Variants in PTPRM observed in about 807,000 individuals in gnomAD.
The protein encoded by PTPRM is protein tyrosine phosphatase receptor type M.
Under a neutral mutation model 186.7 loss-of-function variants are expected in PTPRM, and 47 were observed. The observed-to-expected ratio is 0.25, with a 90% confidence interval of 0.20 to 0.32. The LOEUF (loss-of-function observed/expected upper bound fraction) is 0.32. Ranked by LOEUF, PTPRM falls within the 10% of genes least tolerant of loss-of-function variation. The probability of loss-of-function intolerance (pLI) is 1.00; values close to 1 mark genes in which losing one functional copy is unlikely to be tolerated. For missense variants in PTPRM, 1,494 were observed against 1,865.0 expected (o/e 0.80, Z 3.66); for synonymous variants, 668 against 674.9 (o/e 0.99, Z 0.16).
intron 1 of PTPRM, among the ~76,000 whole-genome samples, chr18:7,717,564 G>C (rs1042836724): frequency 6.6e-6 from 1 of 152,184 alleles, no homozygotes; most frequent in Admixed American, 6.5e-5. Flanking sequence ...AGATACAAAA[G>C]GCAGTCACAC....
intron 7 of PTPRM, among the ~76,000 whole-genome samples, chr18:7,992,833 A>T (rs1491002243): frequency 6.6e-6 from 1 of 152,106 alleles, no homozygotes; most frequent in Non-Finnish European, 1.5e-5. Context: ...ATTGAAACAA[A>T]TGTGAGCTAT....
At chr18:8,289,724 G>A (rs1016410400) in intron 19 of PTPRM, among the ~76,000 whole-genome samples, 2 of 151,340 alleles carry the variant, frequency 1.3e-5, no homozygotes, top group Non-Finnish European at 2.9e-5. Context: ...GATAACAATT[G>A]CCGAGATCAT....
chr18:7,628,504 A>G (rs918495330), intron 1 of PTPRM, among the ~76,000 whole-genome samples: 5 of 152,226 alleles, frequency 3.3e-5, no homozygotes, highest in Admixed American at 2.6e-4. Flanking sequence ...TTTTCTTAAA[A>G]GAATTAGATA....
intron 2 of PTPRM, among the ~76,000 whole-genome samples, chr18:7,775,278 T>C (rs2042525013): frequency 6.6e-6 from 1 of 152,208 alleles, no homozygotes. Flanking sequence ...GTGGCTTCAC[T>C]GGACCTCAAA....
chr18:7,831,590 C>CA lies in PTPRM; in HGVS notation c.197-56516_197-56515insA, dbSNP rs1417504601. On this transcript the variant is annotated intron_variant, in intron 2 of 32. Transcript: ENST00000580170. ...CACATCATGAAAAGGGGTATATATCCCCTCAAGCATTTGTCCTTTGTATTA... is the reference window on the plus strand; with the variant it reads ...CACATCATGAAAAGGGGTATATATCCACCTCAAGCATTTGTCCTTTGTATTA... Among the ~76,000 whole-genome samples the CA allele has an allele frequency of 5.3e-4, 80 of 152,098 alleles. 1 individual carries two copies. In the Middle Eastern group the frequency reaches 0.014, roughly 26 times the overall value.
chr18:7,850,463 T>C (rs1327201878), intron 2 of PTPRM, among the ~76,000 whole-genome samples: 1 of 152,214 alleles, frequency 6.6e-6, no homozygotes. Context: ...GGAGCAACTT[T>C]TCCCATTCAG....
chr18:8,190,491 T>C (rs2093696366), intron 14 of PTPRM, among the ~76,000 whole-genome samples: 1 of 152,224 alleles, frequency 6.6e-6, no homozygotes, highest in Non-Finnish European at 1.5e-5. Context: ...CAGTTATAGC[T>C]GCTCACGTCA....
At chr18:8,231,492 C>T (rs1397636965) in intron 14 of PTPRM, among the ~76,000 whole-genome samples, 1 of 152,186 alleles carries the variant, frequency 6.6e-6, no homozygotes, top group Non-Finnish European at 1.5e-5. Flanking sequence ...CTGAAGAGTT[C>T]ATTCTTCACC....
intron 1 of PTPRM, among the ~76,000 whole-genome samples, chr18:7,756,641 G>C (rs751687256): frequency 1.3e-5 from 2 of 152,028 alleles, no homozygotes; most frequent in East Asian, 3.9e-4. Context: ...GAGCATCCAT[G>C]GAATAGTCAT....
intron 8 of PTPRM, among the ~76,000 whole-genome samples, chr18:8,072,014 A>G (rs2089510414): frequency 6.6e-6 from 1 of 152,030 alleles, no homozygotes; most frequent in Non-Finnish European, 1.5e-5. Context: ...ATTCATAGCC[A>G]CTCATGATTC....
At chr18:8,243,771 C>G (rs1298967807) in intron 14 of PTPRM, among the ~76,000 whole-genome samples, 2 of 152,158 alleles carry the variant, frequency 1.3e-5, no homozygotes, top group African/African-American at 4.8e-5. Context: ...TCATTTTAAT[C>G]TAGCTTATAA....
chr18:7,632,735 T>C (rs1265432773), intron 1 of PTPRM, among the ~76,000 whole-genome samples: 2 of 152,176 alleles, frequency 1.3e-5, no homozygotes, highest in Non-Finnish European at 2.9e-5. Context: ...GGGATGGTAT[T>C]TGGGATGAAA....
chr18:8,147,558 G>A (rs1600836517), intron 14 of PTPRM, among the ~76,000 whole-genome samples: 1 of 152,282 alleles, frequency 6.6e-6, no homozygotes, highest in East Asian at 1.9e-4. Flanking sequence ...TGAGACGATG[G>A]GGTTTTCTAA....
At chr18:7,806,625 G>A (rs1332727879) in intron 2 of PTPRM, among the ~76,000 whole-genome samples, 1 of 152,224 alleles carries the variant, frequency 6.6e-6, no homozygotes, top group Non-Finnish European at 1.5e-5. Flanking sequence ...ATTTTGTGCA[G>A]TGCAGTGCTG....
At chr18:7,570,020 A>G (rs2036529571) in intron 1 of PTPRM, among the ~76,000 whole-genome samples, 1 of 152,074 alleles carries the variant, frequency 6.6e-6, no homozygotes, top group African/African-American at 2.4e-5. Context: ...CAGCTGCTCT[A>G]GAGGCAGAGG....
chr18:8,136,791 T>TG (rs1358174598), intron 13 of PTPRM, among the ~76,000 whole-genome samples: 1 of 65,730 alleles, frequency 1.5e-5, no homozygotes, highest in Non-Finnish European at 3.6e-5. Context: ...AAGGAACAGC[T>TG]GGAAAAAACT....
At chr18:7,948,980 C>G (rs1333065204) in intron 5 of PTPRM, among the ~76,000 whole-genome samples, 1 of 152,164 alleles carries the variant, frequency 6.6e-6, no homozygotes, top group African/African-American at 2.4e-5. Context: ...TTTTGCATCG[C>G]TCAGTCTTTA....
intron 14 of PTPRM, among the ~76,000 whole-genome samples, chr18:8,157,844 C>A (rs185170686): frequency 6.6e-6 from 1 of 152,186 alleles, no homozygotes; most frequent in African/African-American, 2.4e-5. Flanking sequence ...CAGACCCAGA[C>A]GCAGCAAGGT....
intron 14 of PTPRM, among the ~76,000 whole-genome samples, chr18:8,198,338 A>G (rs1241257685): frequency 1.3e-5 from 2 of 152,092 alleles, no homozygotes; most frequent in African/African-American, 2.4e-5. Context: ...TTGTAGAGAC[A>G]GGGTTTTGCC....
Sources: allele counts gnomAD v4.1 joint callset (sites outside exome capture counted in the v4.1 genomes callset), GRCh38; gene constraint gnomAD v4.1.1; transcripts MANE v1.5; gene names NCBI Gene and HGNC (gene_info 2026-07-23, HGNC 2026-07-21).